Variants in NUP188 observed in about 807,000 individuals in gnomAD.
NUP188 encodes the protein nucleoporin NUP188.
In NUP188, 97 loss-of-function variants were observed where a neutral mutation model predicts 223.0. That is an observed-to-expected ratio of 0.43 (90% CI 0.37 to 0.51). NUP188 has a LOEUF of 0.51. Among genes scored for constraint, NUP188 ranks in the 20% least tolerant of loss-of-function variants. The pLI is 0.00. For missense variants in NUP188, 1,947 were observed against 2,175.6 expected, an observed-to-expected ratio of 0.89 and a Z score of 2.09; for synonymous variants, 869 against 828.0, an observed-to-expected ratio of 1.05 and a Z score of -0.85.
rs200814577 is a variant in NUP188, at chr9:129,006,537, C to T, written c.5109C>T (p.Arg1703=). Residue 1703 remains arginine (R), a synonymous_variant, in exon 44 of 44, where the codon CGC becomes CGT. Transcript: ENST00000372577. The part of the protein sequence containing the change: ...TLLSSLSRYF[R]RGAPSSPATG... ...TGTCCAGCCTCTCGCGCTACTTCCG[C>T]CGGGGAGCCCCCAGCTCCCCTGCCA... The T allele has an allele frequency of 1.9e-6, 3 of 1,613,832 alleles. No homozygotes were observed. The highest frequency in any genetic ancestry group is 2.5e-6 in the Non-Finnish European group (3 of 1,179,970).
chr9:128,961,523 A>G (rs1045716492), intron 8 of NUP188, among the ~76,000 whole-genome samples: 28 of 151,728 alleles, frequency 1.8e-4, no homozygotes, highest in African/African-American at 6.5e-4. Context: ...AAATAAATAA[A>G]TAAATAAATA....
At chr9:128,977,070 C>T (rs1842186283) in intron 12 of NUP188, among the ~76,000 whole-genome samples, 1 of 151,032 alleles carries the variant, frequency 6.6e-6, no homozygotes, top group African/African-American at 2.4e-5. Context: ...GAGACCCCAT[C>T]TCAACAACAA....
rs17485681 is a variant in NUP188, at chr9:129,006,461, C to G, written c.5074-41C>G. Reference sequence around the variant, plus strand: ...AACCCCCAAGGGTCAGAACAGTAGCCAGATGTGCTGAGCCTCACCAAGCCA... The same window carrying G: ...AACCCCCAAGGGTCAGAACAGTAGCGAGATGTGCTGAGCCTCACCAAGCCA... On this transcript the variant is annotated intron_variant, in intron 43 of 43. Coordinates refer to ENST00000372577, the MANE Select transcript of NUP188 (RefSeq NM_015354.3). 2.7e-4 allele frequency: 437 copies of G among 1,611,794 alleles called. No homozygotes were observed. In the African/African-American group the frequency reaches 5.2e-3, roughly 19 times the overall value.
chr9:128,995,405 C>A lies in NUP188; in HGVS notation c.3242C>A (p.Ser1081Ter). 5 of 1,614,042 alleles carry A rather than the reference C, an allele frequency of 3.1e-6. No individual in the cohort carries two copies. Among genetic ancestry groups the A allele is most frequent in the Non-Finnish European group, 4.2e-6 (5 of 1,179,972 alleles). The stretch of plus-strand genomic sequence containing the variant: ...GCCTACTGGTCAGGGTATGTCAAGT[C>A]ATTGGCAGTTCACGTGGCCGAAACA... ...RFAYWSGYVK[S>*]LAVHVAETEG... Residue 1081 changes from serine to a stop codon, truncating the protein, a stop_gained, in exon 30 of 44, where the codon TCA (serine) becomes TAA (stop). Coordinates refer to ENST00000372577, the MANE Select transcript of NUP188 (RefSeq NM_015354.3). LOFTEE classifies it high-confidence loss of function.
chr9:129,000,225 G>C (rs1467309192), intron 34 of NUP188, among the ~76,000 whole-genome samples: 2 of 135,988 alleles, frequency 1.5e-5, no homozygotes, highest in African/African-American at 2.5e-5. Context: ...CCAAAGTGTT[G>C]GGATTACAGG....
intron 12 of NUP188, among the ~76,000 whole-genome samples, chr9:128,975,548 C>T (rs1282881833): frequency 6.6e-6 from 1 of 151,400 alleles, no homozygotes; most frequent in Non-Finnish European, 1.5e-5. Context: ...AAGACGGAGT[C>T]TCGCTCTGTC....
At chr9:128,990,675 T>TA (rs2131174860) in intron 25 of NUP188, among the ~76,000 whole-genome samples, 1 of 152,278 alleles carries the variant, frequency 6.6e-6, no homozygotes, top group Non-Finnish European at 1.5e-5. Flanking sequence ...CCATCCTGGC[T>TA]AATACGGTGA....
intron 8 of NUP188, 143 bp downstream of exon 8, chr9:128,959,277 G>A (rs1841912199): frequency 3.7e-6 from 2 of 545,164 alleles, no homozygotes; most frequent in South Asian, 8.6e-5. Flanking sequence ...TACCTCAGTG[G>A]ATTACAGGCA....
chr9:128,989,565 G>A (rs1480121179), intron 24 of NUP188, among the ~76,000 whole-genome samples: 1 of 152,164 alleles, frequency 6.6e-6, no homozygotes, highest in Non-Finnish European at 1.5e-5. Flanking sequence ...TGGGTATGGT[G>A]GTGGGTGCCT....
rs1458542906 is a variant in NUP188 at position 128,995,448 on chromosome 9, C to G, written c.3285C>G (p.Thr1095=). Residue 1095 remains threonine (T), a synonymous_variant, in exon 30 of 44, where the codon ACC becomes ACG. Transcript: ENST00000372577. The part of the protein sequence containing the change: ...HVAETEGSSC[T]SLLEYQMLVS... The stretch of plus-strand genomic sequence containing the variant: ...CCGAAACAGAAGGCAGCAGCTGCAC[C>G]TCCTTGTTAGAGTACCAGATGCTGG... The G allele has an allele frequency of 1.2e-6, 2 of 1,613,562 alleles. No homozygotes were observed. Among genetic ancestry groups the G allele is most frequent in the African/African-American group, 2.7e-5 (2 of 74,908 alleles).
At position 128,984,973 on chromosome 9, in the gene NUP188, G is replaced by A; in HGVS notation, c.2035G>A (p.Val679Ile). 6.2e-7 allele frequency: 1 copy of A among 1,613,792 alleles called. No individual in the cohort carries two copies. Among genetic ancestry groups the A allele is most frequent in the East Asian group, 2.2e-5 (1 of 44,860 alleles). ...TGAACAGCCTCAGGGCGAGTATGGGGTTACTATTGCCTTTCTGCGCTTGAT... is the reference window on the plus strand; with the variant it reads ...TGAACAGCCTCAGGGCGAGTATGGGATTACTATTGCCTTTCTGCGCTTGAT... ...NSEQPQGEYG[V>I]TIAFLRLITT... The change falls in exon 20 of 44, where the codon GTT becomes ATT. Residue 679 changes from valine (V) to isoleucine (I), a missense_variant. Val to Ile is a conservative substitution (Grantham distance 29). This residue lies in a region of NUP188 where 817 missense variants were observed against 865.8 expected (regional missense o/e 0.94). Transcript: ENST00000372577.
At position 128,968,728 on chromosome 9, in the gene NUP188, G is replaced by C; in HGVS notation, c.797+11G>C. 1.3e-6 allele frequency: 2 copies of C among 1,594,482 alleles called. No individual in the cohort carries two copies. The highest frequency in any genetic ancestry group is 1.7e-6 in the Non-Finnish European group (2 of 1,162,202). On this transcript the variant is annotated intron_variant, in intron 9 of 43. Coordinates refer to ENST00000372577, the MANE Select transcript of NUP188 (RefSeq NM_015354.3). The stretch of plus-strand genomic sequence containing the variant: ...TGTAGATCGGATTGGGTAAGTCAGT[G>C]AATTGAACATCATGGAACTTGCAGT...
At chr9:128,977,005 A>G (rs1842185133) in intron 12 of NUP188, among the ~76,000 whole-genome samples, 1 of 152,044 alleles carries the variant, frequency 6.6e-6, no homozygotes, top group Non-Finnish European at 1.5e-5. Flanking sequence ...CCTGGGAGAC[A>G]CAGGTTTCAG....
intron 12 of NUP188, 35 bp downstream of exon 12, chr9:128,973,284 G>T: frequency 6.8e-7 from 1 of 1,461,862 alleles, no homozygotes; most frequent in Non-Finnish European, 9.6e-7. Context: ...TGTCTCTACT[G>T]CCCAGCTTTG....
chr9:129,003,257 G>A lies in NUP188; in HGVS notation c.4297-60G>A. 7 of 1,559,488 alleles carry A rather than the reference G, an allele frequency of 4.5e-6. No homozygotes were observed. In the South Asian group the frequency reaches 8.2e-5, roughly 18 times the overall value. ...GTTGCCTCTCCACAGGAGGGTAGGT[G>A]TGGGTATGTCAGGTCCCTCAGCCAT... On this transcript the variant is annotated intron_variant, in intron 37 of 43. Coordinates refer to ENST00000372577, the MANE Select transcript of NUP188 (RefSeq NM_015354.3).
At position 128,981,759 on chromosome 9, in the gene NUP188, G is replaced by A. The variant is rs187008351; in HGVS notation, c.1516+369G>A. On this transcript the variant is annotated intron_variant, in intron 15 of 43. Coordinates refer to ENST00000372577, the MANE Select transcript of NUP188 (RefSeq NM_015354.3). ...ATGGAAAACTGTTCTTTGCACTCAAGTGATTTTCAGACATATAGAAAGAGT... is the reference window on the plus strand; with the variant it reads ...ATGGAAAACTGTTCTTTGCACTCAAATGATTTTCAGACATATAGAAAGAGT... 2.0e-5 allele frequency among the ~76,000 whole-genome samples: 3 copies of A among 152,252 alleles called. No individual in the cohort carries two copies. The East Asian group carries it at 5.8e-4, about 29-fold the overall frequency.
intron 37 of NUP188, 110 bp downstream of exon 37, chr9:129,003,085 C>T (rs1013187691): frequency 2.4e-5 from 31 of 1,274,376 alleles, no homozygotes; most frequent in East Asian, 2.2e-4. Context: ...GGAGGGTTGT[C>T]GATGCCTTCA....
chr9:129,005,865 G>A, intron 41 of NUP188, 89 bp downstream of exon 41: 2 of 1,504,070 alleles, frequency 1.3e-6, no homozygotes, highest in Non-Finnish European at 1.8e-6. Context: ...TGTTGGGCAT[G>A]GTACCTAGCC....
At chr9:128,995,291 A>G in intron 29 of NUP188, 28 bp from the exon 30 acceptor site, 9 of 1,579,086 alleles carry the variant, frequency 5.7e-6, no homozygotes, top group Non-Finnish European at 7.8e-6. Flanking sequence ...TTCAAAATCT[A>G]ACTGGAGGTT....
Sources: gnomAD v4.1 joint callset for allele counts (sites outside exome capture counted in the v4.1 genomes callset) on GRCh38, gnomAD v4.1.1 for gene constraint, gnomAD v4.1.1 regional missense constraint, MANE v1.5 for transcripts, NCBI Gene and HGNC (gene_info 2026-07-23, HGNC 2026-07-21) for gene names.